Variants in NHS observed in about 807,000 individuals in gnomAD.
The protein encoded by NHS is NHS actin remodeling regulator.
Under a neutral mutation model 72.5 loss-of-function variants are expected in NHS, and 5 were observed. That is an observed-to-expected ratio of 0.07 (90% CI 0.04 to 0.14). The LOEUF is 0.14. NHS is among the 10% of genes least tolerant of loss of function. The pLI is 1.00. For synonymous variants in NHS, 464 were observed against 547.7 expected, an observed-to-expected ratio of 0.85 and a Z score of 2.13; for missense variants, 1,072 against 1,355.7, an observed-to-expected ratio of 0.79 and a Z score of 3.29.
chrX:17,394,684 C>T (rs764141348), intron 1 of NHS, among the ~76,000 whole-genome samples: 14 of 111,643 alleles, frequency 1.3e-4, no homozygotes, highest in Non-Finnish European at 2.6e-4. Context: ...TAGGTGACAG[C>T]TAAGACCATG....
chrX:17,478,732 A>G (rs913063513), intron 1 of NHS, among the ~76,000 whole-genome samples: 2 of 111,618 alleles, frequency 1.8e-5, no homozygotes, highest in South Asian at 3.8e-4. Context: ...AGATTTTTGT[A>G]TATCTAGACC....
At chrX:17,567,540 G>A (rs1409730088) in intron 1 of NHS, among the ~76,000 whole-genome samples, 2 of 111,469 alleles carry the variant, frequency 1.8e-5, no homozygotes, top group East Asian at 5.7e-4. Flanking sequence ...AAGCAAAGTC[G>A]ACCCCTGTCT....
intron 1 of NHS, among the ~76,000 whole-genome samples, chrX:17,476,265 A>G (rs993312010): frequency 6.3e-5 from 7 of 111,950 alleles, no homozygotes; most frequent in African/African-American, 2.3e-4. Flanking sequence ...GGGCTTGGGC[A>G]GAGCTATTGA....
chrX:17,498,414 T>C (rs1325167476), intron 1 of NHS, among the ~76,000 whole-genome samples: 1 of 111,642 alleles, frequency 9.0e-6, no homozygotes, highest in East Asian at 2.8e-4. Flanking sequence ...CCAAAAGTCA[T>C]GGAGTAGGAA....
chrX:17,611,946 A>G (rs2065713457), intron 1 of NHS, among the ~76,000 whole-genome samples: 1 of 111,843 alleles, frequency 8.9e-6, no homozygotes, highest in African/African-American at 3.3e-5. Flanking sequence ...AACTTTTGGT[A>G]AAGCACAAAT....
At chrX:17,507,311 G>C (rs1217591522) in intron 1 of NHS, among the ~76,000 whole-genome samples, 1 of 112,022 alleles carries the variant, frequency 8.9e-6, no homozygotes, top group Non-Finnish European at 1.9e-5. Context: ...TTGACATCTG[G>C]GGTATTTCTG....
chrX:17,496,870 C>T lies in NHS; in HGVS notation c.565+120548C>T, dbSNP rs1001813224. The stretch of plus-strand genomic sequence containing the variant: ...GTTAAAGGTAAGTTTGTTTGCAGGA[C>T]TTTTTATTGCTGTCGTTCATTCCAC... On this transcript the variant is annotated intron_variant, in intron 1 of 8. Coordinates refer to ENST00000676302, the MANE Select transcript of NHS (RefSeq NM_001291867.2). 3.6e-5 allele frequency among the ~76,000 whole-genome samples: 4 copies of T among 111,939 alleles called. No homozygotes were observed. The Admixed American group carries it at 3.8e-4, about 11-fold the overall frequency.
chrX:17,487,996 G>A (rs191276677), intron 1 of NHS, among the ~76,000 whole-genome samples: 52 of 110,968 alleles, frequency 4.7e-4, no homozygotes, highest in African/African-American at 1.4e-3. Context: ...AACAAGTCTC[G>A]AAACCAGCAA....
intron 1 of NHS, among the ~76,000 whole-genome samples, chrX:17,550,097 C>G (rs746758008): frequency 3.6e-5 from 4 of 111,667 alleles, no homozygotes; most frequent in African/African-American, 6.5e-5. Context: ...ATACCCAAAG[C>G]CTTCAAAGAC....
chrX:17,608,025 C>A (rs2065690287), intron 1 of NHS, among the ~76,000 whole-genome samples: 1 of 106,555 alleles, frequency 9.4e-6, no homozygotes, highest in Non-Finnish European at 1.9e-5. Flanking sequence ...CTCAAGCAAT[C>A]CTCCTGCTTG....
intron 1 of NHS, among the ~76,000 whole-genome samples, chrX:17,566,209 C>G (rs919315461): frequency 9.1e-6 from 1 of 110,323 alleles, no homozygotes; most frequent in Non-Finnish European, 1.9e-5. Flanking sequence ...TCTCTAACTC[C>G]TGGGCTCAAG....
chrX:17,718,390 AGAAG>A (rs1163590442), intron 3 of NHS, among the ~76,000 whole-genome samples: 1 of 97,499 alleles, frequency 1.0e-5, no homozygotes, highest in African/African-American at 3.9e-5. Flanking sequence ...AGAGGGAAGA[AGAAG>A]GAAGGAAGGG....
intron 1 of NHS, among the ~76,000 whole-genome samples, chrX:17,627,168 G>A (rs2065801572): frequency 8.9e-6 from 1 of 112,345 alleles, no homozygotes; most frequent in Non-Finnish European, 1.9e-5. Flanking sequence ...GCATCTGGGT[G>A]CATGATGTCA....
At chrX:17,590,894 G>A (rs973388465) in intron 1 of NHS, among the ~76,000 whole-genome samples, 5 of 112,018 alleles carry the variant, frequency 4.5e-5, no homozygotes, top group Non-Finnish European at 5.6e-5. Flanking sequence ...CTCTGAGATG[G>A]TGGAATGATG....
intron 2 of NHS, among the ~76,000 whole-genome samples, chrX:17,691,123 T>C (rs951750089): frequency 9.0e-6 from 1 of 111,436 alleles, no homozygotes; most frequent in Non-Finnish European, 1.9e-5. Flanking sequence ...AAGAAAGATA[T>C]ATGTTTAAGA....
chrX:17,554,648 C>T (rs887332184), intron 1 of NHS, among the ~76,000 whole-genome samples: 4 of 111,641 alleles, frequency 3.6e-5, no homozygotes, highest in African/African-American at 1.3e-4. Context: ...GGAACTGTGT[C>T]GTGGTTGGCC....
intron 1 of NHS, among the ~76,000 whole-genome samples, chrX:17,563,610 ATTCAGATT>A (rs754572472): frequency 8.9e-6 from 1 of 112,583 alleles, no homozygotes; most frequent in East Asian, 2.8e-4. Flanking sequence ...CTGCAATCCC[ATTCAGATT>A]TGGAAAGGTT....
intron 1 of NHS, among the ~76,000 whole-genome samples, chrX:17,388,898 G>C (rs1021842065): frequency 9.1e-6 from 1 of 110,433 alleles, no homozygotes; most frequent in East Asian, 2.9e-4. Context: ...GTATTGAGAA[G>C]TAGAGCTGTT....
chrX:17,380,493 C>T (rs1436271716), intron 1 of NHS, among the ~76,000 whole-genome samples: 1 of 109,820 alleles, frequency 9.1e-6, no homozygotes, highest in Non-Finnish European at 1.9e-5. Context: ...GCTAGGACTA[C>T]AGGTGTGCAC....
Sources: gnomAD v4.1 joint callset for allele counts (sites outside exome capture counted in the v4.1 genomes callset) on GRCh38, gnomAD v4.1.1 for gene constraint, MANE v1.5 for transcripts, NCBI Gene and HGNC (gene_info 2026-07-23, HGNC 2026-07-21) for gene names.